The following SEMA3A variants were observed in gnomAD, a reference collection of about 807,000 sequenced individuals.
SEMA3A encodes semaphorin-3A.
In SEMA3A, 29 loss-of-function variants were observed where a neutral mutation model predicts 97.9. That is an observed-to-expected ratio of 0.30 (90% CI 0.22 to 0.40). SEMA3A has a LOEUF of 0.40. Ranked by LOEUF, SEMA3A falls within the 10% of genes least tolerant of loss-of-function variation. The probability of loss-of-function intolerance (pLI) is 1.00; values close to 1 mark genes in which losing one functional copy is unlikely to be tolerated. For missense variants in SEMA3A, 763 were observed against 951.3 expected (o/e 0.80, Z 2.60); for synonymous variants, 321 against 323.7 (o/e 0.99, Z 0.09).
At position 84,033,951 on chromosome 7, in the gene SEMA3A, T is replaced by C. The variant is rs140664001; in HGVS notation, c.667+12373A>G. ...CTTTGGTTTGTGAACTATGGCATGA[T>C]AGAATCCTTCAACTTTGGCAATTTT... On this transcript the variant is annotated intron_variant, in intron 6 of 16. Coordinates refer to ENST00000265362, the MANE Select transcript of SEMA3A (RefSeq NM_006080.3). 2.8e-3 allele frequency among the ~76,000 whole-genome samples: 428 copies of C among 151,970 alleles called. 2 individuals carry two copies. Among genetic ancestry groups the C allele is most frequent in the African/African-American group, 9.5e-3 (393 of 41,514 alleles).
chr7:84,185,505 C>G (rs1199495299), intron 1 of SEMA3A, among the ~76,000 whole-genome samples: 1 of 150,714 alleles, frequency 6.6e-6, no homozygotes, highest in Non-Finnish European at 1.5e-5. Flanking sequence ...AACACCATCT[C>G]TACTAAAAAA....
intron 2 of SEMA3A, among the ~76,000 whole-genome samples, chr7:84,312,278 T>C (rs904414635): frequency 1.3e-5 from 2 of 151,836 alleles, no homozygotes; most frequent in African/African-American, 2.4e-5. Context: ...TTTAGGAAAA[T>C]TGCTGCCTTA....
chr7:84,444,622 C>G (rs1381387019), intron 1 of SEMA3A, among the ~76,000 whole-genome samples: 1 of 148,524 alleles, frequency 6.7e-6, no homozygotes, highest in African/African-American at 2.5e-5. Context: ...AGTACAGTGA[C>G]GCGATCTCGG....
intron 3 of SEMA3A, among the ~76,000 whole-genome samples, chr7:84,263,490 ACT>A (rs1324696965): frequency 6.6e-6 from 1 of 152,188 alleles, no homozygotes; most frequent in Non-Finnish European, 1.5e-5. Context: ...ACTGTATATA[ACT>A]CTGTGTCTAA....
Position 83,994,481 on chromosome 7 carries a change from C to T in SEMA3A, c.1452+7474G>A, listed in dbSNP as rs1306166827. On this transcript the variant is annotated intron_variant, in intron 12 of 16. Transcript: ENST00000265362. ...TTTGGTCTTTGATGATGGTGATGTA[C>T]AGATGGGTTTTTGGTCTGGATGTCC... Among the ~76,000 whole-genome samples, 110 of 124,422 alleles carry T rather than the reference C, an allele frequency of 8.8e-4. 12 individuals carry two copies. The highest frequency in any genetic ancestry group is 8.4e-5 in the Non-Finnish European group (5 of 59,248). The allele number at this position is 124,422 out of a possible 152,430, so 81.6% of individuals were successfully genotyped here. A position where few individuals can be genotyped will look rare whatever the true frequency, so the allele number is the denominator to read the frequency against.
chr7:84,095,358 C>CACACATATATATATATATATAT (rs1211794166), intron 4 of SEMA3A, among the ~76,000 whole-genome samples: 14 of 122,884 alleles, frequency 1.1e-4, no homozygotes, highest in East Asian at 6.7e-4. Flanking sequence ...TTTTTATATA[C>CACACATATATATATATATATAT]ATATATATAT....
At chr7:84,491,420 A>T (rs1451256477) in intron 1 of SEMA3A, among the ~76,000 whole-genome samples, 1 of 152,128 alleles carries the variant, frequency 6.6e-6, no homozygotes, top group Non-Finnish European at 1.5e-5. Flanking sequence ...TAATCTGATC[A>T]GCTTTGTGCA....
intron 9 of SEMA3A, 64 bp downstream of exon 9, chr7:84,010,956 TTA>T: frequency 3.3e-6 from 4 of 1,226,126 alleles, no homozygotes; most frequent in Non-Finnish European, 4.6e-6. Flanking sequence ...CTTTTGCAAA[TTA>T]TGAGTACTTG....
chr7:84,429,793 CT>C (rs952021776), intron 1 of SEMA3A, among the ~76,000 whole-genome samples: 2 of 151,134 alleles, frequency 1.3e-5, no homozygotes, highest in African/African-American at 4.9e-5. Context: ...GGTGTAAATA[CT>C]TACATAATCT....
intron 2 of SEMA3A, among the ~76,000 whole-genome samples, chr7:84,312,720 T>G (rs1801357398): frequency 6.7e-6 from 1 of 149,544 alleles, no homozygotes; most frequent in African/African-American, 2.4e-5. Context: ...TATTAGTTGA[T>G]TTGTATATGC....
At chr7:84,313,820 G>C (rs1199750619) in intron 2 of SEMA3A, among the ~76,000 whole-genome samples, 3 of 151,852 alleles carry the variant, frequency 2.0e-5, no homozygotes, top group African/African-American at 7.2e-5. Context: ...CAAAAATATT[G>C]ACTCATAGTT....
At chr7:84,177,429 ACT>A (rs995752094) in intron 1 of SEMA3A, among the ~76,000 whole-genome samples, 2 of 152,066 alleles carry the variant, frequency 1.3e-5, no homozygotes, top group African/African-American at 4.8e-5. Flanking sequence ...AAGGTAAAAC[ACT>A]CTGTTTTCCT....
At chr7:84,069,559 AT>A (rs1451323471) in intron 4 of SEMA3A, among the ~76,000 whole-genome samples, 2 of 152,102 alleles carry the variant, frequency 1.3e-5, no homozygotes, top group East Asian at 3.8e-4. Flanking sequence ...TTCACAATGC[AT>A]TGAAAATTCT....
At position 84,257,747 on chromosome 7, in the gene SEMA3A, G is replaced by A. The variant is rs200583575; in HGVS notation, c.-83+49460C>T. ...AAGACCCAGAATGAAATTTCATAAAGACACTACTTTTTTTCTAGTGCTTAA... is the reference window on the plus strand; with the variant it reads ...AAGACCCAGAATGAAATTTCATAAAAACACTACTTTTTTTCTAGTGCTTAA... On this transcript the variant is annotated intron_variant, in intron 3 of 3. Transcript: ENST00000424555. 3.9e-4 allele frequency among the ~76,000 whole-genome samples: 59 copies of A among 152,154 alleles called. No individual in the cohort carries two copies. In the East Asian group the frequency reaches 9.3e-3, roughly 24 times the overall value.
chr7:84,173,307 G>A (rs1243081115), intron 1 of SEMA3A, among the ~76,000 whole-genome samples: 1 of 152,098 alleles, frequency 6.6e-6, no homozygotes, highest in East Asian at 1.9e-4. Context: ...CGTAATCCCA[G>A]CACTTTGGGA....
At chr7:84,038,678 A>T (rs1194535755) in intron 6 of SEMA3A, among the ~76,000 whole-genome samples, 1 of 152,126 alleles carries the variant, frequency 6.6e-6, no homozygotes, top group Non-Finnish European at 1.5e-5. Context: ...ACTGTGATGT[A>T]GCAGGAGAGT....
chr7:84,170,166 A>G (rs1349599332), intron 1 of SEMA3A, among the ~76,000 whole-genome samples: 1 of 151,984 alleles, frequency 6.6e-6, no homozygotes, highest in East Asian at 1.9e-4. Context: ...GAAGATGAAC[A>G]CTGCCTGGTG....
chr7:84,306,438 G>A (rs184901950), intron 3 of SEMA3A: 2 of 152,104 alleles, frequency 1.3e-5, no homozygotes, highest in East Asian at 3.9e-4. Flanking sequence ...TAAATTCAGT[G>A]TTATTTTCTC....
chr7:84,356,184 T>A (rs17158924), intron 2 of SEMA3A, among the ~76,000 whole-genome samples: 8,112 of 151,732 alleles, frequency 0.053, 731 homozygotes, highest in African/African-American at 0.18. Flanking sequence ...TATTTTGAAA[T>A]TTTTTGGAAA....
Sources: gnomAD v4.1 joint callset for allele counts (sites outside exome capture counted in the v4.1 genomes callset) on GRCh38, gnomAD v4.1.1 for gene constraint, MANE v1.5 for transcripts, NCBI Gene and HGNC (gene_info 2026-07-23, HGNC 2026-07-21) for gene names.